MLPH: variants seen among roughly 807,000 people sequenced by gnomAD.
The protein encoded by MLPH is melanophilin, also known as exophilin-3.
Under a neutral mutation model 72.1 loss-of-function variants are expected in MLPH, and 51 were observed. The ratio of observed to expected loss-of-function variants is 0.71; its 90% CI spans 0.56 to 0.89. MLPH has a LOEUF of 0.89. Ranked by LOEUF, MLPH falls within the 40% of genes least tolerant of loss-of-function variation. MLPH has a pLI of 0.00. For missense variants in MLPH, 743 were observed against 759.9 expected, an observed-to-expected ratio of 0.98 and a Z score of 0.26; for synonymous variants, 301 against 310.1, an observed-to-expected ratio of 0.97 and a Z score of 0.31.
Position 237,506,564 on chromosome 2 carries a change from C to T in MLPH, c.111-4010C>T, listed in dbSNP as rs911144386. Among the ~76,000 whole-genome samples the T allele has an allele frequency of 5.9e-5, 9 of 152,164 alleles. No individual in the cohort carries two copies. The East Asian group carries it at 7.7e-4, about 13-fold the overall frequency. On this transcript the variant is annotated intron_variant, in intron 2 of 15. Coordinates refer to ENST00000264605, the MANE Select transcript of MLPH (RefSeq NM_024101.7). ...TGATCGATTGAGCAAGCAGGGGGTA[C>T]GTGACTGGGGGCTACATGCACCTGC... is the stretch of plus-strand genomic sequence containing the variant.
chr2:237,494,790 C>T (rs2079501883), intron 2 of MLPH, among the ~76,000 whole-genome samples: 1 of 152,208 alleles, frequency 6.6e-6, no homozygotes, highest in South Asian at 2.1e-4. Context: ...TAGTCCGGAG[C>T]TCAGAGGAGA....
chr2:237,527,412 C>A lies in MLPH; in HGVS notation c.916C>A (p.Gln306Lys). Reference protein sequence around the residue: ...NVIRNEQLPLQYLADVDTSDE... With the variant: ...NVIRNEQLPLKYLADVDTSDE... ...CATCAGGAATGAGCAGCTGCCCCTG[C>A]AGTACTTGGCCGATGTGGACACCTC... Residue 306 changes from glutamine to lysine, a missense_variant, in exon 8 of 16, where the codon CAG becomes AAG. Gln to Lys is a moderately conservative substitution (Grantham distance 53). Transcript: ENST00000264605. The A allele has an allele frequency of 6.2e-7, 1 of 1,614,196 alleles. No individual in the cohort carries two copies. The highest frequency in any genetic ancestry group is 8.5e-7 in the Non-Finnish European group (1 of 1,180,044).
chr2:237,515,055 A>G (rs1169576469), intron 4 of MLPH, among the ~76,000 whole-genome samples: 2 of 152,302 alleles, frequency 1.3e-5, no homozygotes, highest in South Asian at 2.1e-4. Context: ...CTATCTCTGT[A>G]TTATAAATGG....
Position 237,514,358 on chromosome 2 carries a change from C to T in MLPH, c.445+3257C>T, listed in dbSNP as rs148453061. Among the ~76,000 whole-genome samples the T allele has an allele frequency of 5.1e-3, 772 of 152,236 alleles. 7 individuals carry two copies. Among genetic ancestry groups the T allele is most frequent in the South Asian group, 0.034 (165 of 4,818 alleles). On this transcript the variant is annotated intron_variant, in intron 4 of 15. Transcript: ENST00000264605. Reference sequence around the variant, plus strand: ...AAGCAGTCCTCCCACTTGGGCCTCTCAAAGTGCTGGGATTACAAGCATAAA... The same window carrying T: ...AAGCAGTCCTCCCACTTGGGCCTCTTAAAGTGCTGGGATTACAAGCATAAA...
intron 2 of MLPH, among the ~76,000 whole-genome samples, chr2:237,508,143 A>G (rs7583768): frequency 0.36 from 55,267 of 151,728 alleles, 13,325 homozygotes; most frequent in African/African-American, 0.69. Context: ...ACAGAATCTC[A>G]CTCTGTCACC....
chr2:237,505,412 G>A lies in MLPH; in HGVS notation c.111-5162G>A, dbSNP rs776477103. On this transcript the variant is annotated intron_variant, in intron 2 of 15. Transcript: ENST00000264605. This position sits in a 1 kb window ranked among gnomAD's most constrained non-coding sequence, Gnocchi z 4.5. ...AGCATGGTTTAAGGATCACAGGGAT[G>A]TGGATTCCCCACCACCCCAGCACCC... Among the ~76,000 whole-genome samples the A allele has an allele frequency of 3.3e-5, 5 of 152,184 alleles. No homozygotes were observed. Among genetic ancestry groups the A allele is most frequent in the South Asian group, 2.1e-4 (1 of 4,834 alleles).
rs767581622 is a variant in MLPH, at chr2:237,542,653, C to A, written c.1533C>A (p.Asn511Lys). 1.4e-5 allele frequency: 22 copies of A among 1,575,020 alleles called. No homozygotes were observed. Among genetic ancestry groups the A allele is most frequent in the African/African-American group, 5.4e-5 (4 of 73,954 alleles). The change falls in exon 12 of 16, where the codon AAC becomes AAA. Residue 511 changes from asparagine to lysine, a missense_variant. Coordinates refer to ENST00000264605, the MANE Select transcript of MLPH (RefSeq NM_024101.7). The part of the protein sequence containing the change: ...KPSGKPRRKS[N>K]LPIFLPRVAG... The stretch of plus-strand genomic sequence containing the variant: ...CGGGAAAGCCCCGGAGGAAGTCAAA[C>A]CTCCCGGTGAGTGGGGGGCAGTGGT...
intron 8 of MLPH, among the ~76,000 whole-genome samples, chr2:237,530,051 C>T (rs2080387409): frequency 6.6e-6 from 1 of 152,242 alleles, no homozygotes; most frequent in African/African-American, 2.4e-5. Context: ...AGAAGCTGCT[C>T]TGCAGGGTCT....
At position 237,512,820 on chromosome 2, in the gene MLPH, T is replaced by C. The variant is rs999021352; in HGVS notation, c.445+1719T>C. 6.6e-6 allele frequency among the ~76,000 whole-genome samples: 1 copy of C among 152,094 alleles called. No homozygotes were observed. Among genetic ancestry groups the C allele is most frequent in the Admixed American group, 6.5e-5 (1 of 15,274 alleles). On this transcript the variant is annotated intron_variant, in intron 4 of 15. Coordinates refer to ENST00000264605, the MANE Select transcript of MLPH (RefSeq NM_024101.7). The surrounding 1 kb of genome is among the most constrained non-coding windows in gnomAD (Gnocchi z 5.5). ...GGACTGGGGTGGGCTCAGGAAGCTGTATTATTTCAAAGGACGCAGTGTTTC... is the reference window on the plus strand; with the variant it reads ...GGACTGGGGTGGGCTCAGGAAGCTGCATTATTTCAAAGGACGCAGTGTTTC...
chr2:237,517,551 G>A (rs1201422180), intron 4 of MLPH, among the ~76,000 whole-genome samples: 12 of 145,088 alleles, frequency 8.3e-5, no homozygotes, highest in African/African-American at 3.0e-4. Context: ...GAATGCATTG[G>A]TGAGTGGATG....
At chr2:237,537,404 C>G (rs2080557546) in intron 9 of MLPH, 2 of 152,326 alleles carry the variant, frequency 1.3e-5, no homozygotes, top group African/African-American at 2.4e-5. Context: ...CTGATGGGCG[C>G]TGGGCTTCCA....
At chr2:237,489,993 G>T (rs1559328807) in intron 1 of MLPH, among the ~76,000 whole-genome samples, 1 of 152,194 alleles carries the variant, frequency 6.6e-6, no homozygotes, top group Non-Finnish European at 1.5e-5. Context: ...GCTGGGGAAG[G>T]CTGGCTGTCT....
In MLPH at chr2:237,525,690, C is replaced by G; in HGVS notation, c.765C>G (p.His255Gln). 2 of 1,614,204 alleles carry G rather than the reference C, an allele frequency of 1.2e-6. No individual in the cohort carries two copies. The highest frequency in any genetic ancestry group is 2.2e-5 in the South Asian group (2 of 91,090). ...CTGATACTGGGGCCTCTGGGTGCCA[C>G]TCCCATCCGGAAGAGCAGCCGACCA... ...EEADTGASGCHSHPEEQPTSI... is the reference protein window; with the variant it reads ...EEADTGASGCQSHPEEQPTSI... The change falls in exon 7 of 16, where the codon CAC (histidine) becomes CAG (glutamine). Residue 255 changes from histidine (H) to glutamine (Q), a missense_variant. Coordinates refer to ENST00000264605, the MANE Select transcript of MLPH (RefSeq NM_024101.7).
intron 6 of MLPH, among the ~76,000 whole-genome samples, chr2:237,522,240 TGGGCTG>T (rs2080201550): frequency 5.9e-5 from 2 of 34,082 alleles, no homozygotes; most frequent in Non-Finnish European, 1.1e-4. Context: ...GGAGTGGAGC[TGGGCTG>T]AGACTGGGGT....
Position 237,525,799 on chromosome 2 carries a change from G to C in MLPH, c.874G>C (p.Ala292Pro), listed in dbSNP as rs1027953124. Residue 292 changes from alanine to proline, a missense_variant, in exon 7 of 16, where the codon GCA becomes CCA. Transcript: ENST00000264605. Reference sequence around the variant, plus strand: ...CAGGATGGCCCTGGGGACTGCTGCTGCACTCGGTAGGTGCCCTTGGCCAGG... The same window carrying C: ...CAGGATGGCCCTGGGGACTGCTGCTCCACTCGGTAGGTGCCCTTGGCCAGG... The part of the protein sequence containing the change: ...SHRMALGTAA[A>P]LGSNVIRNEQ... The C allele has an allele frequency of 1.9e-6, 3 of 1,611,758 alleles. No individual in the cohort carries two copies. Among genetic ancestry groups the C allele is most frequent in the South Asian group, 2.2e-5 (2 of 91,048 alleles).
rs1336343106 is a variant in MLPH at position 237,541,667 on chromosome 2, T to G, written c.1446+710T>G. ...ATTCCTTCTTGCTTTGCAAATAAGC[T>G]TTAAATGCCTAGAATGTAGCCCACA... On this transcript the variant is annotated intron_variant, in intron 11 of 15. Coordinates refer to ENST00000264605, the MANE Select transcript of MLPH (RefSeq NM_024101.7). The surrounding 1 kb of genome is among the most constrained non-coding windows in gnomAD (Gnocchi z 5.1). Among the ~76,000 whole-genome samples, 2 of 152,248 alleles carry G rather than the reference T, an allele frequency of 1.3e-5. No homozygotes were observed. Among genetic ancestry groups the G allele is most frequent in the African/African-American group, 4.8e-5 (2 of 41,470 alleles).
rs1224815845 is a variant in MLPH, at chr2:237,520,153, C to T, written c.675+124C>T. ...GATGGCCACACAGTCCCACCTGGCTCCCAAGGCATGACAGGGAAGGGGACC... is the reference window on the plus strand; with the variant it reads ...GATGGCCACACAGTCCCACCTGGCTTCCAAGGCATGACAGGGAAGGGGACC... On this transcript the variant is annotated intron_variant, in intron 6 of 15. Coordinates refer to ENST00000264605, the MANE Select transcript of MLPH (RefSeq NM_024101.7). 9 of 1,324,872 alleles carry T rather than the reference C, an allele frequency of 6.8e-6. No individual in the cohort carries two copies. The East Asian group carries it at 2.2e-4, about 32-fold the overall frequency. The allele number at this position is 1,324,872 out of a possible 1,614,324, so 82.1% of individuals were successfully genotyped here. A position where few individuals can be genotyped will look rare whatever the true frequency, so the allele number is the denominator to read the frequency against.
rs368262821 is a variant in MLPH, at chr2:237,552,318, C to G, written c.1676-19C>G. ...ATGTGATTGATAAAGCACCATCCCT[C>G]TTCCTGTTTTCCCCAAAGGTAAAGA... On this transcript the variant is annotated intron_variant, in intron 14 of 15. Transcript: ENST00000264605. 137 of 1,609,690 alleles carry G rather than the reference C, an allele frequency of 8.5e-5. No individual in the cohort carries two copies. The highest frequency in any genetic ancestry group is 1.1e-4 in the Non-Finnish European group (134 of 1,176,094).
Position 237,527,432 on chromosome 2 carries a change from C to T in MLPH, c.936C>T (p.Asp312=). 1 of 1,614,196 alleles carries T rather than the reference C, an allele frequency of 6.2e-7. No individual in the cohort carries two copies. Among genetic ancestry groups the T allele is most frequent in the Non-Finnish European group, 8.5e-7 (1 of 1,180,044 alleles). ...QLPLQYLADV[D]TSDEESIRAH... ...CCCTGCAGTACTTGGCCGATGTGGA[C>T]ACCTCTGATGAGGAAAGCATCCGGG... Residue 312 remains aspartate (D), a synonymous_variant, in exon 8 of 16, where the codon GAC becomes GAT. Transcript: ENST00000264605.
Sources: gnomAD v4.1 joint callset for allele counts (sites outside exome capture counted in the v4.1 genomes callset) on GRCh38, gnomAD v4.1.1 for gene constraint, Gnocchi (gnomAD v3.1) non-coding constraint, MANE v1.5 for transcripts, NCBI Gene and HGNC (gene_info 2026-07-23, HGNC 2026-07-21) for gene names.